The following TNS3 variants were observed in gnomAD, a reference collection of about 807,000 sequenced individuals.
TNS3 encodes tensin-3.
TNS3 carries 45 observed loss-of-function variants against 140.9 expected under a neutral mutation model. The observed-to-expected ratio is 0.32, with a 90% CI of 0.25 to 0.41. The LOEUF is 0.41. TNS3 is among the 10% of genes least tolerant of loss of function. The pLI is 1.00. For synonymous variants in TNS3, 815 were observed against 788.4 expected, an observed-to-expected ratio of 1.03 and a Z score of -0.56; for missense variants, 1,716 against 1,906.7, an observed-to-expected ratio of 0.90 and a Z score of 1.86.
chr7:47,578,860 G>A (rs1209532993), intron 1 of TNS3, among the ~76,000 whole-genome samples: 3 of 152,182 alleles, frequency 2.0e-5, no homozygotes, highest in Non-Finnish European at 2.9e-5. Flanking sequence ...GGCAGGACAC[G>A]GGCCTGCATC....
At chr7:47,527,451 G>T (rs1799238736) in intron 2 of TNS3, among the ~76,000 whole-genome samples, 1 of 152,098 alleles carries the variant, frequency 6.6e-6, no homozygotes, top group Admixed American at 6.5e-5. Flanking sequence ...GCCTGTCCGA[G>T]AGCATCAGTG....
chr7:47,507,233 A>G (rs1798451408), intron 2 of TNS3, among the ~76,000 whole-genome samples: 1 of 152,164 alleles, frequency 6.6e-6, no homozygotes, highest in Non-Finnish European at 1.5e-5. Flanking sequence ...TGGTTTTTCA[A>G]GGGGTCATGA....
At chr7:47,558,243 A>C (rs149261741) in intron 1 of TNS3, among the ~76,000 whole-genome samples, 2 of 152,218 alleles carry the variant, frequency 1.3e-5, no homozygotes, top group Non-Finnish European at 2.9e-5. Context: ...AGCAAGCTAC[A>C]GCAAGCCGGT....
chr7:47,429,591 T>C (rs1794828569), intron 8 of TNS3, among the ~76,000 whole-genome samples: 1 of 152,130 alleles, frequency 6.6e-6, no homozygotes, highest in African/African-American at 2.4e-5. Context: ...ATGGTCTCGA[T>C]CTCCTGACCT....
chr7:47,551,030 G>A (rs1177676688), intron 1 of TNS3, among the ~76,000 whole-genome samples: 1 of 152,218 alleles, frequency 6.6e-6, no homozygotes, highest in African/African-American at 2.4e-5. Context: ...TCAGAAAAAG[G>A]GCAAGGAGGG....
intron 17 of TNS3, among the ~76,000 whole-genome samples, chr7:47,358,293 A>G (rs1430050625): frequency 6.6e-6 from 1 of 151,976 alleles, no homozygotes. Flanking sequence ...ACGTGCCACC[A>G]TGCCCGGCTA....
chr7:47,390,270 G>C (rs1792434459), intron 16 of TNS3, among the ~76,000 whole-genome samples: 1 of 152,194 alleles, frequency 6.6e-6, no homozygotes, highest in South Asian at 2.1e-4. Flanking sequence ...ACAATGTCTG[G>C]GGAGGAAAGT....
chr7:47,389,098 G>GGAAGTGGAAGCA (rs1562675472), intron 16 of TNS3, among the ~76,000 whole-genome samples: 2 of 35,978 alleles, frequency 5.6e-5, no homozygotes, highest in African/African-American at 4.5e-4. Context: ...AAGAGGAAGA[G>GGAAGTGGAAGCA]GAAGCGGAAG....
At chr7:47,427,546 G>A (rs1794721861) in intron 9 of TNS3, among the ~76,000 whole-genome samples, 1 of 152,242 alleles carries the variant, frequency 6.6e-6, no homozygotes, top group South Asian at 2.1e-4. Context: ...CTGCATTTCA[G>A]CGAGAGTGAA....
At chr7:47,388,906 A>G (rs1792230424) in intron 16 of TNS3, among the ~76,000 whole-genome samples, 4 of 30,636 alleles carry the variant, frequency 1.3e-4, no homozygotes, top group Non-Finnish European at 2.6e-4. Flanking sequence ...AAAGAAGAAG[A>G]AGGGGAGAGG....
At position 47,396,833 on chromosome 7, in the gene TNS3, C is replaced by T; in HGVS notation, c.991G>A (p.Asp331Asn). ...TCTGCACTGAGGTTCTCGTACGAGTCCCAGCGTATCAGTGGGTCTGTTGTG... is the reference window on the plus strand; with the variant it reads ...TCTGCACTGAGGTTCTCGTACGAGTTCCAGCGTATCAGTGGGTCTGTTGTG... Reference protein sequence around the residue: ...YNTTDPLIRWDSYENLSADGE... With the variant: ...YNTTDPLIRWNSYENLSADGE... The change falls in exon 16 of 31, where the codon GAC becomes AAC. Residue 331 changes from aspartate to asparagine, a missense_variant. Asp to Asn is a conservative substitution (Grantham distance 23). This residue lies in a region of TNS3 where 1,163 missense variants were observed against 1,182.1 expected (regional missense o/e 0.98). Coordinates refer to ENST00000311160, the MANE Select transcript of TNS3 (RefSeq NM_022748.12). 1 of 1,614,172 alleles carries T rather than the reference C, an allele frequency of 6.2e-7. No homozygotes were observed. The highest frequency in any genetic ancestry group is 8.5e-7 in the Non-Finnish European group (1 of 1,180,012).
intron 4 of TNS3, among the ~76,000 whole-genome samples, chr7:47,474,147 A>C (rs1008020042): frequency 3.4e-5 from 3 of 87,792 alleles, no homozygotes; most frequent in African/African-American, 1.4e-4. Flanking sequence ...CACACACACA[A>C]CACACATAAA....
At chr7:47,338,794 G>A (rs113995390) in intron 20 of TNS3, among the ~76,000 whole-genome samples, 2,095 of 152,274 alleles carry the variant, frequency 0.014, 49 homozygotes, top group African/African-American at 0.047. Context: ...ATTGTGCTGT[G>A]ATAAACATAC....
intron 2 of TNS3, among the ~76,000 whole-genome samples, chr7:47,507,987 C>T (rs1488577432): frequency 1.3e-5 from 2 of 152,170 alleles, no homozygotes; most frequent in Admixed American, 6.5e-5. Context: ...CTTCAAGGGA[C>T]CCTGCTTTGA....
At position 47,400,768 on chromosome 7, in the gene TNS3, C is replaced by T. The variant is rs1793112898; in HGVS notation, c.853+17G>A. On this transcript the variant is annotated intron_variant, in intron 14 of 30. Transcript: ENST00000311160. ...GCAGCTGCCCACAAGCACAGGGCCG[C>T]CAGCTCCGCGCCTCACCTTTGCTGG... The T allele has an allele frequency of 6.2e-7, 1 of 1,612,748 alleles. No individual in the cohort carries two copies. The highest frequency in any genetic ancestry group is 1.7e-5 in the Admixed American group (1 of 59,974).
intron 17 of TNS3, among the ~76,000 whole-genome samples, chr7:47,360,957 T>C (rs1019310296): frequency 6.6e-5 from 10 of 152,106 alleles, no homozygotes; most frequent in African/African-American, 1.2e-4. Flanking sequence ...AGATCACTAA[T>C]AGCCAAATTC....
chr7:47,434,117 A>G (rs1795058971), intron 8 of TNS3, among the ~76,000 whole-genome samples: 1 of 152,132 alleles, frequency 6.6e-6, no homozygotes, highest in South Asian at 2.1e-4. Context: ...GCCCCGATGG[A>G]AGTTTTCTGC....
intron 30 of TNS3, chr7:47,279,139 T>C (rs1785010384): frequency 6.6e-6 from 1 of 152,342 alleles, no homozygotes; most frequent in African/African-American, 2.4e-5. Context: ...TCCCCGCTTC[T>C]GCTAACGCAT....
intron 20 of TNS3, among the ~76,000 whole-genome samples, chr7:47,342,818 AT>A (rs1210647646): frequency 6.6e-6 from 1 of 152,208 alleles, no homozygotes; most frequent in African/African-American, 2.4e-5. Context: ...TACCTCTGTT[AT>A]TACTGTGCCC....
Sources: allele counts gnomAD v4.1 joint callset (sites outside exome capture counted in the v4.1 genomes callset), GRCh38; gene constraint gnomAD v4.1.1; regional missense constraint gnomAD v4.1.1; transcripts MANE v1.5; gene names NCBI Gene and HGNC (gene_info 2026-07-23, HGNC 2026-07-21).